SRP68: variants seen among roughly 807,000 people sequenced by gnomAD.
The protein encoded by SRP68 is signal recognition particle 68.
In SRP68, 15 loss-of-function variants were observed where a neutral mutation model predicts 82.2. The ratio of observed to expected loss-of-function variants is 0.18; its 90% confidence interval spans 0.12 to 0.28. SRP68 has a LOEUF of 0.28. Among genes scored for constraint, SRP68 ranks in the 10% least tolerant of loss-of-function variants. SRP68 has a pLI of 1.00. For missense variants in SRP68, 595 were observed against 780.5 expected (o/e 0.76, Z 2.83); for synonymous variants, 261 against 292.6 (o/e 0.89, Z 1.10).
In SRP68 at chr17:76,061,481, A is replaced by C; in HGVS notation, c.644+11T>G. On this transcript the variant is annotated intron_variant, in intron 5 of 15. Coordinates refer to ENST00000307877, the MANE Select transcript of SRP68 (RefSeq NM_014230.4). The stretch of plus-strand genomic sequence containing the variant: ...TAAAACTGGCCACAGCCTTTGGACT[A>C]TAGGACTTACTTGCATTTGTTAAAA... 1 of 1,611,218 alleles carries C rather than the reference A, an allele frequency of 6.2e-7. No homozygotes were observed. Among genetic ancestry groups the C allele is most frequent in the Non-Finnish European group, 8.5e-7 (1 of 1,178,020 alleles).
intron 15 of SRP68, 30 bp from the exon 16 acceptor site, chr17:76,039,963 G>GC: frequency 1.2e-6 from 2 of 1,606,448 alleles, no homozygotes; most frequent in Non-Finnish European, 1.7e-6. Flanking sequence ...GACGTATGTA[G>GC]CATCGGTCAC....
rs71161253 is a variant in SRP68 at position 76,062,586 on chromosome 17, A to ATT, written c.562-1013_562-1012insAA. On this transcript the variant is annotated intron_variant, in intron 4 of 15. Transcript: ENST00000307877. ...ATATATTATATAATATACATTATAT[A>ATT]ATATATAATATACATTATATATTAT... 2.9e-3 allele frequency among the ~76,000 whole-genome samples: 265 copies of ATT among 89,842 alleles called. 33 individuals are homozygous for ATT. Among genetic ancestry groups the ATT allele is most frequent in the East Asian group, 4.6e-3 (18 of 3,906 alleles). The allele number at this position is 89,842 out of a possible 152,430, so 58.9% of individuals were successfully genotyped here.
chr17:76,072,500 T>C lies in SRP68; in HGVS notation c.-9A>G, dbSNP rs1434580666. 1 of 1,581,710 alleles carries C rather than the reference T, an allele frequency of 6.3e-7. No homozygotes were observed. Among genetic ancestry groups the C allele is most frequent in the Non-Finnish European group, 8.5e-7 (1 of 1,172,800 alleles). On this transcript the variant is annotated 5_prime_UTR_variant, in exon 1 of 16. Coordinates refer to ENST00000307877, the MANE Select transcript of SRP68 (RefSeq NM_014230.4). The surrounding 1 kb of genome is among the most constrained non-coding windows in gnomAD (Gnocchi z 4.5). ...TGCTTCTCAGCAGCCATCTTGCCCC[T>C]GCGCCGCAGAGCAAGACGGGATAGG...
At chr17:76,070,273 C>A in intron 2 of SRP68, 105 bp downstream of exon 2, 1 of 808,630 alleles carries the variant, frequency 1.2e-6, no homozygotes, top group Non-Finnish European at 2.0e-6. Flanking sequence ...AAACAATGCT[C>A]TAGACTTTCT....
chr17:76,070,932 T>C (rs935438634), intron 1 of SRP68, among the ~76,000 whole-genome samples: 7 of 152,014 alleles, frequency 4.6e-5, no homozygotes, highest in Non-Finnish European at 8.8e-5. Flanking sequence ...CCATTTTCAA[T>C]ATCTATCTTG....
At chr17:76,045,114 A>C in intron 12 of SRP68, 178 bp downstream of exon 12, 1 of 578,008 alleles carries the variant, frequency 1.7e-6, no homozygotes, top group Non-Finnish European at 3.1e-6. Context: ...ACTGGCCACT[A>C]CTGACCACAG....
intron 13 of SRP68, among the ~76,000 whole-genome samples, chr17:76,042,948 T>A (rs985238909): frequency 6.6e-6 from 1 of 152,008 alleles, no homozygotes; most frequent in African/African-American, 2.4e-5. Context: ...GGCCTGGGGA[T>A]CTTGTTAAAA....
intron 8 of SRP68, among the ~76,000 whole-genome samples, chr17:76,056,102 C>T (rs1178775585): frequency 3.9e-5 from 6 of 152,036 alleles, no homozygotes; most frequent in Admixed American, 6.6e-5. Context: ...CATGAGCCAC[C>T]GTGCCAGCAG....
At chr17:76,044,030 T>G (rs2066611520) in intron 12 of SRP68, 72 bp from the exon 13 acceptor site, 1 of 1,524,234 alleles carries the variant, frequency 6.6e-7, no homozygotes, top group Non-Finnish European at 8.8e-7. Context: ...TCCTTGCAGT[T>G]TAGGCGAAAT....
chr17:76,068,412 C>T (rs1188810114), intron 2 of SRP68, among the ~76,000 whole-genome samples: 4 of 148,168 alleles, frequency 2.7e-5, no homozygotes, highest in Middle Eastern at 3.3e-3. Flanking sequence ...GCCGAGAACA[C>T]GCCATTGCAC....
At chr17:76,055,948 A>T (rs572727377) in intron 8 of SRP68, among the ~76,000 whole-genome samples, 60 of 151,404 alleles carry the variant, frequency 4.0e-4, no homozygotes, top group Non-Finnish European at 7.4e-4. Flanking sequence ...CTGGGACTAC[A>T]GGTGCACGCC....
intron 4 of SRP68, among the ~76,000 whole-genome samples, chr17:76,062,795 G>C (rs538517589): frequency 9.4e-6 from 1 of 105,844 alleles, no homozygotes; most frequent in South Asian, 2.6e-4. Flanking sequence ...TTTTGAGATG[G>C]AGTCTTGCTC....
At chr17:76,070,756 C>T (rs528650827) in intron 1 of SRP68, among the ~76,000 whole-genome samples, 54 of 152,050 alleles carry the variant, frequency 3.6e-4, no homozygotes, top group African/African-American at 1.1e-3. Flanking sequence ...GCAGGAGAAT[C>T]GCTTGAACTT....
Position 76,062,728 on chromosome 17 carries a change from T to A in SRP68, c.562-1154A>T, listed in dbSNP as rs1567935172. On this transcript the variant is annotated intron_variant, in intron 4 of 15. Transcript: ENST00000307877. ...ATATTATACAATATATTATATTTATTTTATATATATATATATATATATATA... is the reference window on the plus strand; with the variant it reads ...ATATTATACAATATATTATATTTATATTATATATATATATATATATATATA... Among the ~76,000 whole-genome samples the A allele has an allele frequency of 4.3e-3, 65 of 15,158 alleles. 20 individuals carry two copies. Among genetic ancestry groups the A allele is most frequent in the Admixed American group, 0.019 (10 of 534 alleles). The allele number at this position is 15,158 out of a possible 152,430, so 9.9% of individuals were successfully genotyped here. A position where few individuals can be genotyped will look rare whatever the true frequency, so the allele number is the denominator to read the frequency against.
At chr17:76,047,428 T>G (rs560248882) in intron 10 of SRP68, among the ~76,000 whole-genome samples, 40 of 152,342 alleles carry the variant, frequency 2.6e-4, no homozygotes, top group Non-Finnish European at 4.6e-4. Flanking sequence ...AATGTAAATG[T>G]AGCATATATA....
chr17:76,060,146 A>AAAAAG (rs1275336816), intron 7 of SRP68, among the ~76,000 whole-genome samples, 162 bp downstream of exon 7: 1 of 149,290 alleles, frequency 6.7e-6, no homozygotes, highest in South Asian at 2.1e-4. Flanking sequence ...AAAAAAAAAA[A>AAAAAG]AAAAGAAAAA....
chr17:76,060,367 G>A lies in SRP68; in HGVS notation c.778C>T (p.Leu260Phe), dbSNP rs757269204. 6.2e-7 allele frequency: 1 copy of A among 1,612,000 alleles called. No individual in the cohort carries two copies. Among genetic ancestry groups the A allele is most frequent in the South Asian group, 1.1e-5 (1 of 90,936 alleles). The change falls in exon 7 of 16, where the codon CTC becomes TTC. Residue 260 changes from leucine to phenylalanine, a missense_variant. Around this residue, in one of 2 missense-constraint regions of SRP68, gnomAD observed 495 missense variants for 688.6 expected, o/e 0.72. Transcript: ENST00000307877. ...NIGDQSAINE[L>F]MQMRLRSGGT... ...CCAGACCTCAATCTCATCTGCATGA[G>A]TTCATTGATGGCTGACTGGTCCCCT...
Position 76,043,925 on chromosome 17 carries a change from C to T in SRP68, c.1428G>A (p.Val476=), listed in dbSNP as rs895422402. Residue 476 remains valine (V), a synonymous_variant, in exon 13 of 16, where the codon GTG becomes GTA. Coordinates refer to ENST00000307877, the MANE Select transcript of SRP68 (RefSeq NM_014230.4). ...CFFIAQSYVL[V]KKWSEALVLY... ...GGACAAGGGCTTCGCTCCACTTCTT[C>T]ACCAGCACATAGGACTGAGCAATGA... The T allele has an allele frequency of 6.2e-7, 1 of 1,611,138 alleles. No individual in the cohort carries two copies. Among genetic ancestry groups the T allele is most frequent in the African/African-American group, 1.3e-5 (1 of 74,652 alleles).
chr17:76,069,597 C>T (rs556412802), intron 2 of SRP68, among the ~76,000 whole-genome samples: 3 of 151,400 alleles, frequency 2.0e-5, no homozygotes, highest in African/African-American at 7.3e-5. Context: ...GTCCCAGCCA[C>T]TCAGGAGGCT....
Sources: gnomAD v4.1 joint callset for allele counts (sites outside exome capture counted in the v4.1 genomes callset) on GRCh38, gnomAD v4.1.1 for gene constraint, gnomAD v4.1.1 regional missense constraint, Gnocchi (gnomAD v3.1) non-coding constraint, MANE v1.5 for transcripts, NCBI Gene and HGNC (gene_info 2026-07-23, HGNC 2026-07-21) for gene names.